MAPRE3: variants seen among roughly 807,000 people sequenced by gnomAD.
MAPRE3 encodes microtubule associated protein RP/EB family member 3, also known as microtubule-associated protein RP/EB family member 3.
In MAPRE3, 2 loss-of-function variants were observed where a neutral mutation model predicts 30.5. That is an observed-to-expected ratio of 0.07 (90% confidence interval 0.03 to 0.21). The LOEUF (loss-of-function observed/expected upper bound fraction) is 0.21. Among genes scored for constraint, MAPRE3 ranks in the 10% least tolerant of loss-of-function variants. The pLI is 1.00. For synonymous variants in MAPRE3, 110 were observed against 127.7 expected (o/e 0.86, Z 0.93); for missense variants, 204 against 351.8 (o/e 0.58, Z 3.36).
intron 1 of MAPRE3, among the ~76,000 whole-genome samples, chr2:26,976,605 G>A (rs1167871217): frequency 6.6e-6 from 1 of 152,224 alleles, no homozygotes; most frequent in East Asian, 1.9e-4. Flanking sequence ...GATGTTGTTA[G>A]TCAACTTTTT....
intron 1 of MAPRE3, among the ~76,000 whole-genome samples, chr2:27,021,578 A>G (rs1325353567): frequency 2.6e-5 from 4 of 152,188 alleles, no homozygotes; most frequent in Non-Finnish European, 5.9e-5. Context: ...ACTGTCGCTT[A>G]AAACCCTCTA....
In MAPRE3 at chr2:27,026,663, C is replaced by G; in HGVS notation, c.*315C>G. 3.0e-6 allele frequency: 1 copy of G among 335,108 alleles called. No individual in the cohort carries two copies. Among genetic ancestry groups the G allele is most frequent in the Non-Finnish European group, 5.4e-6 (1 of 185,222 alleles). The allele number at this position is 335,108 out of a possible 1,614,324, so 20.8% of individuals were successfully genotyped here. A position where few individuals can be genotyped will look rare whatever the true frequency, so the allele number is the denominator to read the frequency against. ...GCCCCAGCCAGCCACCTGCTCCTGA[C>G]AGCCAGCAGCTGTGTATTTGACAAA... is the stretch of plus-strand genomic sequence containing the variant. On this transcript the variant is annotated 3_prime_UTR_variant, in exon 7 of 7. Coordinates refer to ENST00000233121, the MANE Select transcript of MAPRE3 (RefSeq NM_012326.4).
At chr2:26,995,829 G>GTA (rs1553327978) in intron 1 of MAPRE3, among the ~76,000 whole-genome samples, 3 of 147,124 alleles carry the variant, frequency 2.0e-5, no homozygotes, top group African/African-American at 7.8e-5. Flanking sequence ...GTGTGTGTGT[G>GTA]TATGTGTGTG....
At position 27,026,638 on chromosome 2, in the gene MAPRE3, G is replaced by A. The variant is rs916812192; in HGVS notation, c.*290G>A. 1.4e-5 allele frequency: 5 copies of A among 360,648 alleles called. No individual in the cohort carries two copies. The highest frequency in any genetic ancestry group is 6.8e-4 in the Middle Eastern group (1 of 1,470). The allele number at this position is 360,648 out of a possible 1,614,324, so 22.3% of individuals were successfully genotyped here. A position where few individuals can be genotyped will look rare whatever the true frequency, so the allele number is the denominator to read the frequency against. ...ACTTCCCAGGGTGCTGCTGCCACCC[G>A]CCCCAGCCAGCCACCTGCTCCTGAC... is the stretch of plus-strand genomic sequence containing the variant. On this transcript the variant is annotated 3_prime_UTR_variant, in exon 7 of 7. Coordinates refer to ENST00000233121, the MANE Select transcript of MAPRE3 (RefSeq NM_012326.4).
chr2:27,000,291 G>C (rs977737477), intron 1 of MAPRE3, among the ~76,000 whole-genome samples: 3 of 152,218 alleles, frequency 2.0e-5, no homozygotes, highest in Non-Finnish European at 4.4e-5. Context: ...GAAAGACATG[G>C]TTTCTGCTCA....
intron 1 of MAPRE3, chr2:27,012,886 G>C (rs1284892661): frequency 6.5e-6 from 1 of 152,754 alleles, no homozygotes; most frequent in South Asian, 2.1e-4. Flanking sequence ...GGTATGGTGA[G>C]AGCAGAGAAG....
intron 1 of MAPRE3, among the ~76,000 whole-genome samples, chr2:26,972,084 A>G (rs978342215): frequency 6.6e-6 from 1 of 152,194 alleles, no homozygotes; most frequent in Non-Finnish European, 1.5e-5. Flanking sequence ...AACATGTCTC[A>G]ACTTGAGGGC....
chr2:26,994,103 T>C (rs1037352751), intron 1 of MAPRE3, among the ~76,000 whole-genome samples: 6 of 152,208 alleles, frequency 3.9e-5, no homozygotes, highest in African/African-American at 1.2e-4. Flanking sequence ...TCTTGACTGT[T>C]TTACTGTGTG....
At chr2:27,012,312 G>C (rs1666879592) in intron 1 of MAPRE3, 1 of 152,158 alleles carries the variant, frequency 6.6e-6, no homozygotes, top group Non-Finnish European at 1.5e-5. Context: ...CTAGAGCTGT[G>C]AAAAATCAAA....
intron 1 of MAPRE3, among the ~76,000 whole-genome samples, chr2:26,980,968 TG>T (rs1295146687): frequency 6.6e-6 from 1 of 152,174 alleles, no homozygotes; most frequent in Non-Finnish European, 1.5e-5. Context: ...TTTCTACCCC[TG>T]ACTTTTAGGG....
chr2:26,991,242 A>G (rs575793619), intron 1 of MAPRE3, among the ~76,000 whole-genome samples: 24 of 152,212 alleles, frequency 1.6e-4, no homozygotes, highest in Admixed American at 1.5e-3. Context: ...CGACAGAGTG[A>G]GACTCCATCC....
At chr2:26,995,780 G>GGTGTGTGTGT (rs1276648645) in intron 1 of MAPRE3, among the ~76,000 whole-genome samples, 16,981 of 109,474 alleles carry the variant, frequency 0.16, 2,299 homozygotes, top group Non-Finnish European at 0.17. Flanking sequence ...TTCTAAGAGA[G>GGTGTGTGTGT]GTGTGTGTGT....
At chr2:26,988,435 T>C (rs367726799) in intron 1 of MAPRE3, among the ~76,000 whole-genome samples, 2 of 152,232 alleles carry the variant, frequency 1.3e-5, no homozygotes, top group African/African-American at 4.8e-5. Flanking sequence ...CAACTCATCA[T>C]TGAAATTTTT....
chr2:26,998,815 AT>A (rs1383627808), intron 1 of MAPRE3, among the ~76,000 whole-genome samples: 1 of 152,204 alleles, frequency 6.6e-6, no homozygotes, highest in Non-Finnish European at 1.5e-5. Context: ...TAAAATCCTT[AT>A]GTCTTTTGCA....
At chr2:26,987,577 G>A (rs1190935505) in intron 1 of MAPRE3, among the ~76,000 whole-genome samples, 1 of 152,176 alleles carries the variant, frequency 6.6e-6, no homozygotes, top group Non-Finnish European at 1.5e-5. Flanking sequence ...GGCGGAGGTT[G>A]CAGTGAGCCG....
At chr2:27,023,664 A>G in intron 3 of MAPRE3, 187 bp downstream of exon 3, 1 of 646,602 alleles carries the variant, frequency 1.5e-6, no homozygotes, top group South Asian at 1.8e-5. Context: ...AACACTTGCC[A>G]TGCCATCATG....
At chr2:26,995,266 A>G (rs750338030) in intron 1 of MAPRE3, among the ~76,000 whole-genome samples, 2 of 152,162 alleles carry the variant, frequency 1.3e-5, no homozygotes, top group Non-Finnish European at 2.9e-5. Context: ...ATTAGTCATA[A>G]TCACAGAGGG....
intron 1 of MAPRE3, among the ~76,000 whole-genome samples, chr2:26,994,448 C>A (rs1666411231): frequency 6.6e-6 from 1 of 152,198 alleles, no homozygotes; most frequent in South Asian, 2.1e-4. Flanking sequence ...ATCATTCATC[C>A]TAGTGACCAG....
At position 26,970,727 on chromosome 2, in the gene MAPRE3, A is replaced by AGCCGCAGCCTCT. The variant is rs1439606446; in HGVS notation, c.-74_-63dup. 1 of 152,658 alleles carries AGCCGCAGCCTCT rather than the reference A, an allele frequency of 6.6e-6. No individual in the cohort carries two copies. The highest frequency in any genetic ancestry group is 1.5e-5 in the Non-Finnish European group (1 of 68,380). The allele number at this position is 152,658 out of a possible 1,614,324, so 9.5% of individuals were successfully genotyped here. A position where few individuals can be genotyped will look rare whatever the true frequency, so the allele number is the denominator to read the frequency against. Reference sequence around the variant, plus strand: ...CCTCCGCCCCGGAGCCGCCGGCCGGAGCCGCAGCCTCTGCCGCAGCGCCCC... The same window carrying AGCCGCAGCCTCT: ...CCTCCGCCCCGGAGCCGCCGGCCGGAGCCGCAGCCTCTGCCGCAGCCTCTGCCGCAGCGCCCC... On this transcript the variant is annotated 5_prime_UTR_variant, in exon 1 of 7. Coordinates refer to ENST00000233121, the MANE Select transcript of MAPRE3 (RefSeq NM_012326.4).
Sources: gnomAD v4.1 joint callset for allele counts (sites outside exome capture counted in the v4.1 genomes callset) on GRCh38, gnomAD v4.1.1 for gene constraint, MANE v1.5 for transcripts, NCBI Gene and HGNC (gene_info 2026-07-23, HGNC 2026-07-21) for gene names.